The following DCT variants were observed in gnomAD, a reference collection of about 807,000 sequenced individuals.
DCT encodes the protein L-dopachrome tautomerase.
DCT carries 47 observed loss-of-function variants against 53.0 expected under a neutral mutation model. That is an observed-to-expected ratio of 0.89 (90% CI 0.70 to 1.13). The LOEUF is 1.13. Ranked by LOEUF, DCT falls within the 50% of genes most tolerant of loss-of-function variation. The pLI, the probability that DCT is intolerant of heterozygous loss-of-function variation, is 0.00. For missense variants in DCT, 669 were observed against 637.4 expected, an observed-to-expected ratio of 1.05 and a Z score of -0.53; for synonymous variants, 244 against 237.0, an observed-to-expected ratio of 1.03 and a Z score of -0.27.
chr13:94,475,325 A>C (rs1330668165), intron 1 of DCT, among the ~76,000 whole-genome samples: 1 of 152,240 alleles, frequency 6.6e-6, no homozygotes, highest in East Asian at 1.9e-4. Flanking sequence ...TGGTATGACA[A>C]TACAATGGAA....
chr13:94,483,907 T>C (rs368718534), upstream of DCT, among the ~76,000 whole-genome samples: 1 of 152,226 alleles, frequency 6.6e-6, no homozygotes, highest in East Asian at 1.9e-4. Flanking sequence ...CTTAATTCAA[T>C]GTTCCTGCTA....
the DCT span, among the ~76,000 whole-genome samples, chr13:94,549,399 G>T: frequency 1.9e-4 from 29 of 152,326 alleles, no homozygotes; most frequent in Non-Finnish European, 3.5e-4. Context: ...GGCGCCGAGG[G>T]TGCCTCTGGG....
At chr13:94,459,164 C>T (rs1883613683) in intron 6 of DCT, among the ~76,000 whole-genome samples, 1 of 152,160 alleles carries the variant, frequency 6.6e-6, no homozygotes, top group Admixed American at 6.5e-5. Flanking sequence ...CAGTCATGAG[C>T]CACCATGCCT....
chr13:94,477,460 T>A (rs1885164838), intron 1 of DCT, among the ~76,000 whole-genome samples: 1 of 129,318 alleles, frequency 7.7e-6, no homozygotes, highest in Admixed American at 8.3e-5. Flanking sequence ...GACATAAAGA[T>A]GGCAACAATA....
the DCT span, among the ~76,000 whole-genome samples, chr13:94,530,881 T>C: frequency 3.8e-3 from 575 of 152,202 alleles, 3 homozygotes; most frequent in African/African-American, 0.013. Flanking sequence ...TATTGTATAT[T>C]TAGAAAACCC....
the DCT span, among the ~76,000 whole-genome samples, chr13:94,544,899 T>A: frequency 6.6e-6 from 1 of 152,170 alleles, no homozygotes; most frequent in Non-Finnish European, 1.5e-5. Flanking sequence ...TAAATACTCA[T>A]CTGGTTTTAT....
the DCT span, among the ~76,000 whole-genome samples, chr13:94,492,768 A>G: frequency 2.0e-5 from 3 of 152,258 alleles, no homozygotes; most frequent in African/African-American, 7.2e-5. Context: ...TCATGTTCTC[A>G]CCATCAAGAA....
chr13:94,520,629 G>A, the DCT span, among the ~76,000 whole-genome samples: 5 of 152,258 alleles, frequency 3.3e-5, no homozygotes, highest in Admixed American at 6.5e-5. Flanking sequence ...AACCTAGCCT[G>A]CCTTCCTTTC....
chr13:94,505,836 A>G, the DCT span, among the ~76,000 whole-genome samples: 1 of 152,234 alleles, frequency 6.6e-6, no homozygotes, highest in African/African-American at 2.4e-5. Context: ...GCAGTCTTCA[A>G]CCAACAGCCA....
the DCT span, among the ~76,000 whole-genome samples, chr13:94,485,616 C>T: frequency 2.0e-5 from 3 of 152,174 alleles, no homozygotes; most frequent in African/African-American, 7.2e-5. Context: ...GTATCCTCCC[C>T]AAATTCACAA....
chr13:94,476,274 C>G (rs9590020), intron 1 of DCT, among the ~76,000 whole-genome samples: 62,565 of 144,208 alleles, frequency 0.43, 14,287 homozygotes, highest in African/African-American at 0.58. Context: ...CATTTCCTTA[C>G]CAAAGGGAAA....
Position 94,471,109 on chromosome 13 carries a change from G to A in DCT, c.296-2064C>T, listed in dbSNP as rs572574913. Reference sequence around the variant, plus strand: ...AAAAGTACTATGACCATAGGGGAGGGGGAGTTATTTGGATCTCTCAAGGAA... The same window carrying A: ...AAAAGTACTATGACCATAGGGGAGGAGGAGTTATTTGGATCTCTCAAGGAA... On this transcript the variant is annotated intron_variant, in intron 1 of 7. Coordinates refer to ENST00000377028, the MANE Select transcript of DCT (RefSeq NM_001922.5). Among the ~76,000 whole-genome samples, 6 of 152,278 alleles carry A rather than the reference G, an allele frequency of 3.9e-5. No individual in the cohort carries two copies. In the South Asian group the frequency reaches 1.2e-3, roughly 32 times the overall value.
chr13:94,447,529 G>A (rs1013476808), intron 6 of DCT, among the ~76,000 whole-genome samples: 1 of 152,220 alleles, frequency 6.6e-6, no homozygotes, highest in Non-Finnish European at 1.5e-5. Flanking sequence ...ATGGCCCAGG[G>A]GTTGGGGACC....
chr13:94,467,670 T>C (rs1884314624), intron 2 of DCT: 1 of 152,208 alleles, frequency 6.6e-6, no homozygotes, highest in Non-Finnish European at 1.5e-5. Flanking sequence ...ACACGGCCCT[T>C]TTTCATGTTC....
the DCT span, among the ~76,000 whole-genome samples, chr13:94,540,392 TA>T: frequency 2.0e-5 from 3 of 152,190 alleles, no homozygotes; most frequent in Non-Finnish European, 4.4e-5. Context: ...AGATGCTTTG[TA>T]AAGATGAGAA....
chr13:94,523,912 C>G, the DCT span, among the ~76,000 whole-genome samples: 1 of 152,074 alleles, frequency 6.6e-6, no homozygotes, highest in South Asian at 2.1e-4. Context: ...AAGCCCAAAT[C>G]TAAGTAATTT....
chr13:94,523,964 A>G, the DCT span, among the ~76,000 whole-genome samples: 1 of 152,148 alleles, frequency 6.6e-6, no homozygotes, highest in Non-Finnish European at 1.5e-5. Flanking sequence ...GTGCAAACGT[A>G]TATATGACAT....
At chr13:94,541,888 A>C in the DCT span, among the ~76,000 whole-genome samples, 3 of 152,234 alleles carry the variant, frequency 2.0e-5, no homozygotes, top group African/African-American at 4.8e-5. Flanking sequence ...CTGGCTACAC[A>C]CGGGTCATTG....
the DCT span, among the ~76,000 whole-genome samples, chr13:94,538,132 A>C: frequency 6.6e-6 from 1 of 152,132 alleles, no homozygotes; most frequent in Non-Finnish European, 1.5e-5. Flanking sequence ...GAAACAGCTA[A>C]GTTTTCTCGG....
Sources: gnomAD v4.1 joint callset for allele counts (sites outside exome capture counted in the v4.1 genomes callset) on GRCh38, gnomAD v4.1.1 for gene constraint, MANE v1.5 for transcripts, NCBI Gene and HGNC (gene_info 2026-07-23, HGNC 2026-07-21) for gene names.